THSD7B: variants seen among roughly 807,000 people sequenced by gnomAD.
THSD7B encodes thrombospondin type 1 domain containing 7B, also known as thrombospondin type-1 domain-containing protein 7B.
A neutral mutation model predicts 213.6 loss-of-function variants in THSD7B; 138 were observed. The ratio of observed to expected loss-of-function variants is 0.65; its 90% CI spans 0.56 to 0.74. The LOEUF (loss-of-function observed/expected upper bound fraction) is 0.74, where lower values mean the gene tolerates loss of function less well. THSD7B is among the 30% of genes least tolerant of loss of function. THSD7B has a pLI of 0.00. For synonymous variants in THSD7B, 742 were observed against 687.0 expected (o/e 1.08, Z -1.25); for missense variants, 1,931 against 1,991.5 (o/e 0.97, Z 0.58).
In THSD7B at chr2:137,676,817, GT is replaced by G; in HGVS notation, c.*216del. On this transcript the variant is annotated 3_prime_UTR_variant, in exon 28 of 28. Coordinates refer to ENST00000409968, the MANE Select transcript of THSD7B (RefSeq NM_001316349.2). ...TTGTTTTCAAGTTGTTTGTGGGTGTGTTTTATTTTTTTGGTTTTCCCAAGGG... is the reference window on the plus strand; with the variant it reads ...TTGTTTTCAAGTTGTTTGTGGGTGTGTTTATTTTTTTGGTTTTCCCAAGGG... 1 of 415,860 alleles carries G rather than the reference GT, an allele frequency of 2.4e-6. No homozygotes were observed. The highest frequency in any genetic ancestry group is 4.1e-6 in the Non-Finnish European group (1 of 246,496). The allele number at this position is 415,860 out of a possible 1,614,324, so 25.8% of individuals were successfully genotyped here. A position where few individuals can be genotyped will look rare whatever the true frequency, so the allele number is the denominator to read the frequency against.
chr2:137,294,714 C>CT (rs1211807036), intron 12 of THSD7B, among the ~76,000 whole-genome samples: 1 of 151,148 alleles, frequency 6.6e-6, no homozygotes, highest in Non-Finnish European at 1.5e-5. Context: ...ATAAATTAGA[C>CT]TTTATCATAG....
chr2:137,191,511 C>T (rs556863327), intron 7 of THSD7B, among the ~76,000 whole-genome samples: 20 of 151,818 alleles, frequency 1.3e-4, no homozygotes, highest in Non-Finnish European at 2.6e-4. Flanking sequence ...CTGGTTCTGC[C>T]GCTTTTCTTA....
At chr2:136,806,990 AC>A (rs1374573091) in intron 1 of THSD7B, among the ~76,000 whole-genome samples, 2 of 152,168 alleles carry the variant, frequency 1.3e-5, no homozygotes, top group Non-Finnish European at 2.9e-5. Context: ...TGGGGGGAAG[AC>A]CACTGAGGTG....
chr2:137,408,230 A>G (rs1686573121), intron 13 of THSD7B, among the ~76,000 whole-genome samples: 1 of 152,140 alleles, frequency 6.6e-6, no homozygotes, highest in Admixed American at 6.5e-5. Context: ...TGTACAGAAT[A>G]TTTGTTTGCT....
intron 20 of THSD7B, among the ~76,000 whole-genome samples, chr2:137,635,927 T>G (rs955618524): frequency 6.6e-6 from 1 of 152,162 alleles, no homozygotes; most frequent in African/African-American, 2.4e-5. Flanking sequence ...GGTCTCGAAC[T>G]CCTGACCTCA....
intron 2 of THSD7B, among the ~76,000 whole-genome samples, chr2:136,912,872 C>A (rs6706352): frequency 3.3e-5 from 5 of 152,076 alleles, no homozygotes; most frequent in African/African-American, 1.2e-4. Flanking sequence ...TCTTTACCAG[C>A]AGCATGAAAA....
At chr2:137,645,368 C>T (rs960610442) in intron 21 of THSD7B, among the ~76,000 whole-genome samples, 7 of 152,168 alleles carry the variant, frequency 4.6e-5, no homozygotes, top group Admixed American at 2.6e-4. Flanking sequence ...GGAGAGTTAA[C>T]GAGAAAACCT....
chr2:137,574,086 G>A lies in THSD7B; in HGVS notation c.3423+1530G>A, dbSNP rs1220567986. Among the ~76,000 whole-genome samples, 4 of 151,936 alleles carry A rather than the reference G, an allele frequency of 2.6e-5. No homozygotes were observed. The East Asian group carries it at 5.8e-4, about 22-fold the overall frequency. On this transcript the variant is annotated intron_variant, in intron 17 of 27. Transcript: ENST00000409968. ...CTGAAGAAGTTTAATTAAATGTAAGGTCATGATCTTCCTCACTTTTGTTTT... is the reference window on the plus strand; with the variant it reads ...CTGAAGAAGTTTAATTAAATGTAAGATCATGATCTTCCTCACTTTTGTTTT...
Position 136,875,663 on chromosome 2 carries a change from A to G in THSD7B, c.-35-6481A>G, listed in dbSNP as rs114889141. On this transcript the variant is annotated intron_variant, in intron 1 of 27. Coordinates refer to ENST00000409968, the MANE Select transcript of THSD7B (RefSeq NM_001316349.2). ...CCCCGTAGTTTCTCCAAGCCACTCT[A>G]TCCGGATCTTCTGCTGTTGGGTCCT... Among the ~76,000 whole-genome samples, 1,057 of 152,240 alleles carry G rather than the reference A, an allele frequency of 6.9e-3. 12 individuals carry two copies. Among genetic ancestry groups the G allele is most frequent in the East Asian group, 0.042 (215 of 5,162 alleles).
chr2:137,509,549 A>C (rs1319361872), intron 15 of THSD7B, among the ~76,000 whole-genome samples: 1 of 151,936 alleles, frequency 6.6e-6, no homozygotes, highest in Admixed American at 6.6e-5. Context: ...ATTTTTAATT[A>C]TTTGAACATA....
At chr2:136,879,805 G>A (rs1229729122) in intron 1 of THSD7B, among the ~76,000 whole-genome samples, 1 of 152,014 alleles carries the variant, frequency 6.6e-6, no homozygotes, top group African/African-American at 2.4e-5. Context: ...AAAAAGTCAG[G>A]GGTTGCAATC....
intron 13 of THSD7B, 131 bp downstream of exon 13, chr2:137,405,938 T>C (rs993499038): frequency 7.0e-6 from 5 of 717,518 alleles, no homozygotes; most frequent in Non-Finnish European, 1.1e-5. Flanking sequence ...TTAATACATA[T>C]CCTCAAACTC....
chr2:137,607,138 C>T (rs1682197436), intron 17 of THSD7B, among the ~76,000 whole-genome samples: 1 of 148,700 alleles, frequency 6.7e-6, no homozygotes, highest in African/African-American at 2.5e-5. Flanking sequence ...TAAGACTTCA[C>T]TCGTGTTATT....
chr2:137,381,606 C>T (rs1685777797), intron 12 of THSD7B, among the ~76,000 whole-genome samples: 1 of 152,188 alleles, frequency 6.6e-6, no homozygotes, highest in African/African-American at 2.4e-5. Flanking sequence ...AGATGCCCCA[C>T]CTGCGGGGGC....
At chr2:137,311,460 A>G (rs375004462) in intron 12 of THSD7B, among the ~76,000 whole-genome samples, 10 of 152,202 alleles carry the variant, frequency 6.6e-5, no homozygotes, top group South Asian at 4.2e-4. Context: ...GACAGGGACA[A>G]TTTGACTTCC....
intron 7 of THSD7B, among the ~76,000 whole-genome samples, chr2:137,205,290 T>G (rs1245718562): frequency 6.6e-6 from 1 of 152,048 alleles, no homozygotes; most frequent in African/African-American, 2.4e-5. Flanking sequence ...TGTGTTAACT[T>G]GTACTCTGTG....
In THSD7B at chr2:137,616,241, A is replaced by G. The variant is rs758965251; in HGVS notation, c.3490A>G (p.Thr1164Ala). The change falls in exon 18 of 28, where the codon ACT (threonine) becomes GCT (alanine). Residue 1164 changes from threonine to alanine, a missense_variant. Physicochemically the swap from Thr to Ala is moderately conservative, Grantham distance 58. Transcript: ENST00000409968. ...GCTAAGACCATCACTGAACTCAAGGACTTGTGCTGAAGACTCACAGGTGCA... is the reference window on the plus strand; with the variant it reads ...GCTAAGACCATCACTGAACTCAAGGGCTTGTGCTGAAGACTCACAGGTGCA... ...HLLRPSLNSR[T>A]CAEDSQVQPC... is the part of the protein sequence containing the mutation. 3.7e-6 allele frequency: 6 copies of G among 1,613,862 alleles called. No individual in the cohort carries two copies. Among genetic ancestry groups the G allele is most frequent in the Non-Finnish European group, 5.1e-6 (6 of 1,179,790 alleles).
intron 17 of THSD7B, among the ~76,000 whole-genome samples, chr2:137,586,792 G>T (rs138328430): frequency 6.6e-6 from 1 of 152,062 alleles, no homozygotes; most frequent in African/African-American, 2.4e-5. Context: ...TTCAACTTTC[G>T]TGAATCTGAC....
intron 2 of THSD7B, among the ~76,000 whole-genome samples, chr2:136,958,358 G>T (rs548930169): frequency 2.5e-4 from 38 of 152,260 alleles, no homozygotes; most frequent in African/African-American, 9.1e-4. Context: ...TTAGTTGATC[G>T]CAAGCAAATA....
Sources: allele counts gnomAD v4.1 joint callset (sites outside exome capture counted in the v4.1 genomes callset), GRCh38; gene constraint gnomAD v4.1.1; transcripts MANE v1.5; gene names NCBI Gene and HGNC (gene_info 2026-07-23, HGNC 2026-07-21).